The following SLC39A11 variants were observed in gnomAD, a reference collection of about 807,000 sequenced individuals.
The protein encoded by SLC39A11 is zinc transporter ZIP11.
A neutral mutation model predicts 36.1 loss-of-function variants in SLC39A11; 33 were observed. That is an observed-to-expected ratio of 0.91 (90% confidence interval 0.69 to 1.22). The LOEUF is 1.22. SLC39A11 is among the 50% of genes most tolerant of loss of function. The pLI, the probability that SLC39A11 is intolerant of heterozygous loss-of-function variation, is 0.00. For missense variants in SLC39A11, 432 were observed against 430.3 expected (o/e 1.00, Z -0.03); for synonymous variants, 166 against 170.3 (o/e 0.97, Z 0.20).
intron 4 of SLC39A11, among the ~76,000 whole-genome samples, chr17:72,980,343 C>A (rs190072849): frequency 2.0e-5 from 3 of 152,150 alleles, no homozygotes; most frequent in Admixed American, 6.5e-5. Flanking sequence ...TACATTCAAC[C>A]CTAAACATGA....
intron 4 of SLC39A11, among the ~76,000 whole-genome samples, chr17:73,009,089 C>T (rs922477994): frequency 2.0e-4 from 28 of 139,926 alleles, no homozygotes; most frequent in African/African-American, 6.4e-4. Flanking sequence ...GGCAGGGGGG[C>T]GGGGTGGCTC....
intron 6 of SLC39A11, among the ~76,000 whole-genome samples, chr17:72,793,593 T>A (rs554447520): frequency 1.2e-4 from 19 of 152,248 alleles, no homozygotes; most frequent in Non-Finnish European, 2.2e-4. Context: ...CTTCTTTTTT[T>A]AATTTTTTTT....
At chr17:72,988,224 G>A (rs1017818188) in intron 4 of SLC39A11, among the ~76,000 whole-genome samples, 43 of 152,334 alleles carry the variant, frequency 2.8e-4, no homozygotes, top group Non-Finnish European at 5.3e-4. Flanking sequence ...GGGCCAAGGC[G>A]GGAAGATCAC....
intron 6 of SLC39A11, among the ~76,000 whole-genome samples, chr17:72,752,559 T>A (rs1007513769): frequency 1.3e-5 from 2 of 152,124 alleles, no homozygotes; most frequent in African/African-American, 2.4e-5. Flanking sequence ...AGTATCTTTT[T>A]TCTTTTTATT....
At chr17:73,019,866 T>C (rs1445384362) in intron 4 of SLC39A11, among the ~76,000 whole-genome samples, 1 of 152,188 alleles carries the variant, frequency 6.6e-6, no homozygotes, top group South Asian at 2.1e-4. Flanking sequence ...CAATGTTATG[T>C]TGTTTATTAA....
At position 72,812,174 on chromosome 17, in the gene SLC39A11, G is replaced by A. The variant is rs77103168; in HGVS notation, c.601+37460C>T. On this transcript the variant is annotated intron_variant, in intron 6 of 9. Coordinates refer to ENST00000255559, the MANE Select transcript of SLC39A11 (RefSeq NM_139177.4). Reference sequence around the variant, plus strand: ...AAAAAATAAGATACTATTATGCTTGGAGAGAAAGCTGCTCCCCAAGGTCAT... The same window carrying A: ...AAAAAATAAGATACTATTATGCTTGAAGAGAAAGCTGCTCCCCAAGGTCAT... Among the ~76,000 whole-genome samples the A allele has an allele frequency of 4.7e-3, 711 of 152,258 alleles. 3 individuals are homozygous for A. The highest frequency in any genetic ancestry group is 0.016 in the African/African-American group (683 of 41,544).
chr17:72,893,908 C>T (rs953738913), intron 5 of SLC39A11, among the ~76,000 whole-genome samples: 6 of 152,112 alleles, frequency 3.9e-5, no homozygotes, highest in African/African-American at 9.7e-5. Flanking sequence ...GATATTTCCT[C>T]GATGTCTGCT....
chr17:72,739,679 C>T (rs60083615), intron 6 of SLC39A11, among the ~76,000 whole-genome samples: 1,595 of 152,302 alleles, frequency 0.01, 32 homozygotes, highest in African/African-American at 0.035. Context: ...TAGCAGCCCA[C>T]AGAGAAGGCT....
rs537278023 is a variant in SLC39A11 at position 73,004,952 on chromosome 17, G to A, written c.306+26604C>T. On this transcript the variant is annotated intron_variant, in intron 4 of 9. Transcript: ENST00000255559. ...GAAGATCACAGCACATAAGCACACC[G>A]ACCTAACCCCCCAACACATATACAC... Among the ~76,000 whole-genome samples, 146 of 152,274 alleles carry A rather than the reference G, an allele frequency of 9.6e-4. 4 individuals carry two copies. The South Asian group carries it at 0.026, about 27-fold the overall frequency.
chr17:72,951,663 A>T (rs1478209145), intron 4 of SLC39A11, among the ~76,000 whole-genome samples: 1 of 152,176 alleles, frequency 6.6e-6, no homozygotes, highest in Non-Finnish European at 1.5e-5. Context: ...ATTCACAGCC[A>T]TCCAAAACAT....
intron 4 of SLC39A11, among the ~76,000 whole-genome samples, chr17:72,950,731 C>A (rs1286259420): frequency 6.6e-6 from 1 of 152,122 alleles, no homozygotes; most frequent in Non-Finnish European, 1.5e-5. Context: ...TAAGCTGCAA[C>A]TGTGTATTTG....
chr17:72,799,299 A>C (rs145383133), intron 6 of SLC39A11, among the ~76,000 whole-genome samples: 2 of 152,304 alleles, frequency 1.3e-5, no homozygotes, highest in East Asian at 3.9e-4. Context: ...CCACTGTGAT[A>C]ATTGTGTTAA....
chr17:72,690,106 C>T (rs1465639314), intron 7 of SLC39A11, among the ~76,000 whole-genome samples: 6 of 152,166 alleles, frequency 3.9e-5, no homozygotes, highest in Admixed American at 6.5e-5. Flanking sequence ...AGGAGTGACG[C>T]GCTGGGGCAA....
At chr17:72,671,084 G>A (rs1256014043) in intron 7 of SLC39A11, among the ~76,000 whole-genome samples, 1 of 152,190 alleles carries the variant, frequency 6.6e-6, no homozygotes, top group Non-Finnish European at 1.5e-5. Flanking sequence ...GATAAGGACT[G>A]TCTCAAGGGC....
At chr17:73,060,806 A>G (rs180771526) in intron 3 of SLC39A11, among the ~76,000 whole-genome samples, 2 of 152,248 alleles carry the variant, frequency 1.3e-5, no homozygotes, top group East Asian at 3.9e-4. Flanking sequence ...ATCAGCCATA[A>G]TTTCAGTTAT....
chr17:72,943,483 AT>A (rs2085246414), intron 5 of SLC39A11, among the ~76,000 whole-genome samples: 1 of 152,114 alleles, frequency 6.6e-6, no homozygotes, highest in East Asian at 1.9e-4. Context: ...TGCCAAGTGA[AT>A]TTTCCTATAA....
chr17:72,900,725 C>T (rs2082352586), intron 5 of SLC39A11, among the ~76,000 whole-genome samples: 1 of 152,186 alleles, frequency 6.6e-6, no homozygotes, highest in South Asian at 2.1e-4. Flanking sequence ...TGGGTGAGCA[C>T]TTCAACAGCA....
At chr17:72,760,866 G>A (rs986535100) in intron 6 of SLC39A11, among the ~76,000 whole-genome samples, 2 of 152,070 alleles carry the variant, frequency 1.3e-5, no homozygotes, top group African/African-American at 4.8e-5. Flanking sequence ...ACTGGGCAAC[G>A]CCTGGAGGGA....
rs142164283 is a variant in SLC39A11 at position 73,054,503 on chromosome 17, T to C, written c.148-22789A>G. Among the ~76,000 whole-genome samples, 303 of 152,326 alleles carry C rather than the reference T, an allele frequency of 2.0e-3. 4 individuals are homozygous for C. The East Asian group carries it at 0.022, about 11-fold the overall frequency. ...GCTCAACAGTGAAAGAGACCGCCTC[T>C]GCCCTCAAGGTGCTTCTAGTTTGGG... On this transcript the variant is annotated intron_variant, in intron 3 of 9. Coordinates refer to ENST00000255559, the MANE Select transcript of SLC39A11 (RefSeq NM_139177.4).
Sources: allele counts gnomAD v4.1 joint callset (sites outside exome capture counted in the v4.1 genomes callset), GRCh38; gene constraint gnomAD v4.1.1; transcripts MANE v1.5; gene names NCBI Gene and HGNC (gene_info 2026-07-23, HGNC 2026-07-21).